The following PCSK6 variants were observed in gnomAD, a reference collection of about 807,000 sequenced individuals.
The protein encoded by PCSK6 is paired basic amino acid cleaving enzyme 4.
Under a neutral mutation model 123.3 loss-of-function variants are expected in PCSK6, and 85 were observed. The observed-to-expected ratio is 0.69, with a 90% CI of 0.58 to 0.83. The LOEUF is 0.83. Ranked by LOEUF, PCSK6 falls within the 40% of genes least tolerant of loss-of-function variation. The pLI, the probability that PCSK6 is intolerant of heterozygous loss-of-function variation, is 0.00. For missense variants in PCSK6, 1,191 were observed against 1,282.3 expected (o/e 0.93, Z 1.09); for synonymous variants, 508 against 516.0 (o/e 0.98, Z 0.21).
Position 101,398,973 on chromosome 15 carries a change from G to A in PCSK6, c.824-397C>T, listed in dbSNP as rs1439337434. ...GCTGGAGGGCAGTGGTGCAATCTCG[G>A]CTCACTGCAAGCTCCACCTCCCGGG... On this transcript the variant is annotated intron_variant, in intron 6 of 21. Transcript: ENST00000611716. This position sits in a 1 kb window ranked among gnomAD's most constrained non-coding sequence, Gnocchi z 4.6. Among the ~76,000 whole-genome samples, 2 of 151,986 alleles carry A rather than the reference G, an allele frequency of 1.3e-5. No homozygotes were observed. The highest frequency in any genetic ancestry group is 2.9e-5 in the Non-Finnish European group (2 of 68,020).
At chr15:101,309,377 G>A (rs2039800588) in intron 20 of PCSK6, among the ~76,000 whole-genome samples, 2 of 152,256 alleles carry the variant, frequency 1.3e-5, no homozygotes, top group South Asian at 4.1e-4. Context: ...GTGCCCAGCA[G>A]CGGGTCCTCG....
In PCSK6 at chr15:101,398,243, G is replaced by T. The variant is rs116473704; in HGVS notation, c.996+161C>A. Among the ~76,000 whole-genome samples, 2,574 of 152,314 alleles carry T rather than the reference G, an allele frequency of 0.017. 67 individuals are homozygous for T. Among genetic ancestry groups the T allele is most frequent in the African/African-American group, 0.059 (2,446 of 41,574 alleles). ...CTCGCCGGTCAAGAGCCACTTCTCA[G>T]ACTCCCCGAGTGACTCCTCCACACT... On this transcript the variant is annotated intron_variant, in intron 7 of 21. Coordinates refer to ENST00000611716, the MANE Select transcript of PCSK6 (RefSeq NM_002570.5). This position sits in a 1 kb window ranked among gnomAD's most constrained non-coding sequence, Gnocchi z 4.6.
intron 1 of PCSK6, among the ~76,000 whole-genome samples, chr15:101,467,183 C>T (rs935155967): frequency 1.1e-4 from 17 of 152,094 alleles, no homozygotes; most frequent in Admixed American, 3.9e-4. Context: ...TATATGTACA[C>T]CCAGTAATCC....
At chr15:101,349,906 TA>T (rs1230463266) in intron 13 of PCSK6, among the ~76,000 whole-genome samples, 2 of 152,216 alleles carry the variant, frequency 1.3e-5, no homozygotes, top group Admixed American at 6.5e-5. Context: ...TGTTTTCGTT[TA>T]TTTTTTTTAT....
chr15:101,442,612 A>C (rs540222020), intron 2 of PCSK6, among the ~76,000 whole-genome samples: 10 of 152,278 alleles, frequency 6.6e-5, no homozygotes, highest in African/African-American at 2.2e-4. Context: ...TTTTTCCATA[A>C]AAACTTTACT....
chr15:101,459,290 C>T (rs1243215641), intron 1 of PCSK6, among the ~76,000 whole-genome samples: 1 of 152,150 alleles, frequency 6.6e-6, no homozygotes, highest in African/African-American at 2.4e-5. Context: ...CATCCTGTTG[C>T]CCAGCTGTAA....
chr15:101,442,403 G>C (rs546935534), intron 2 of PCSK6, among the ~76,000 whole-genome samples: 43 of 152,064 alleles, frequency 2.8e-4, no homozygotes, highest in African/African-American at 9.9e-4. Flanking sequence ...CACAGCCCAG[G>C]TCCATGGGTG....
At chr15:101,328,191 C>T (rs948129409) in intron 15 of PCSK6, among the ~76,000 whole-genome samples, 3 of 152,218 alleles carry the variant, frequency 2.0e-5, no homozygotes, top group East Asian at 1.9e-4. Context: ...GCGGGGCTGT[C>T]GTGGTGACTT....
At chr15:101,478,926 C>A (rs867949937) in intron 1 of PCSK6, among the ~76,000 whole-genome samples, 1 of 152,224 alleles carries the variant, frequency 6.6e-6, no homozygotes, top group Non-Finnish European at 1.5e-5. Context: ...TCCATACTCA[C>A]GCTTAAGGAT....
At chr15:101,476,904 T>C (rs1329493475) in intron 1 of PCSK6, among the ~76,000 whole-genome samples, 2 of 152,214 alleles carry the variant, frequency 1.3e-5, no homozygotes, top group Non-Finnish European at 2.9e-5. Context: ...AGGCTGGTGA[T>C]GCCGGACGGG....
rs1211374859 is a variant in PCSK6 at position 101,347,649 on chromosome 15, G to A, written c.1859-15618C>T. On this transcript the variant is annotated intron_variant, in intron 13 of 21. Transcript: ENST00000611716. ...GGCGGGAGCTGAGAGATCCAGCTCT[G>A]GACTTCCAAAGGCAGCCAAAGTTCT... 1.9e-6 allele frequency: 3 copies of A among 1,582,214 alleles called. No homozygotes were observed. In the African/African-American group the frequency reaches 4.0e-5, roughly 21 times the overall value.
At chr15:101,481,933 C>G (rs1030436634) in intron 1 of PCSK6, among the ~76,000 whole-genome samples, 3 of 152,186 alleles carry the variant, frequency 2.0e-5, no homozygotes, top group African/African-American at 7.2e-5. Context: ...TGAGCAGGAG[C>G]CAGTACAGAT....
At chr15:101,378,687 C>T (rs1189408732) in intron 11 of PCSK6, among the ~76,000 whole-genome samples, 1 of 152,228 alleles carries the variant, frequency 6.6e-6, no homozygotes, top group Non-Finnish European at 1.5e-5. Context: ...CTGAGGTCCC[C>T]TCTTCCCTGA....
Position 101,432,079 on chromosome 15 carries a change from C to T in PCSK6, c.424G>A (p.Glu142Lys). The change falls in exon 3 of 22, where the codon GAA becomes AAA. Residue 142 changes from glutamate to lysine, a missense_variant. Physicochemically the swap from Glu to Lys is moderately conservative, Grantham distance 56. This residue lies in a region of PCSK6 where 357 missense variants were observed against 484.5 expected (regional missense o/e 0.74). Transcript: ENST00000611716. ...DPQVKWLQQQ[E>K]VKRRVKRQVR... Reference sequence around the variant, plus strand: ...TGTCTCTTCACCCTTCGTTTCACTTCCTGTTGCTGGAGCCATTTCACCTAC... The same window carrying T: ...TGTCTCTTCACCCTTCGTTTCACTTTCTGTTGCTGGAGCCATTTCACCTAC... The T allele has an allele frequency of 1.2e-6, 2 of 1,613,560 alleles. No individual in the cohort carries two copies. The highest frequency in any genetic ancestry group is 1.7e-6 in the Non-Finnish European group (2 of 1,179,734).
At chr15:101,456,788 C>T (rs1000314816) in intron 1 of PCSK6, among the ~76,000 whole-genome samples, 4 of 152,150 alleles carry the variant, frequency 2.6e-5, no homozygotes, top group African/African-American at 9.7e-5. Flanking sequence ...AGGGGGAATA[C>T]ACAAGGTGAG....
intron 6 of PCSK6, among the ~76,000 whole-genome samples, chr15:101,408,959 C>T (rs1019940517): frequency 6.6e-6 from 1 of 152,224 alleles, no homozygotes; most frequent in African/African-American, 2.4e-5. Context: ...AATCTGGTCG[C>T]TGCCGTTTAC....
chr15:101,447,067 G>A (rs1056721682), intron 1 of PCSK6, among the ~76,000 whole-genome samples: 23 of 152,276 alleles, frequency 1.5e-4, no homozygotes, highest in African/African-American at 5.5e-4. Context: ...TCGTCGGCCC[G>A]GATGATGCTG....
chr15:101,459,019 G>C lies in PCSK6; in HGVS notation c.298-15359C>G, dbSNP rs116699270. On this transcript the variant is annotated intron_variant, in intron 1 of 21. Coordinates refer to ENST00000611716, the MANE Select transcript of PCSK6 (RefSeq NM_002570.5). ...AGCCACGTGTTCAGAGAGAAGTGGC[G>C]TGTGTGTAGCTTCTCTCAGCCAAGG... Among the ~76,000 whole-genome samples, 951 of 152,264 alleles carry C rather than the reference G, an allele frequency of 6.2e-3. 10 individuals are homozygous for C. Among genetic ancestry groups the C allele is most frequent in the African/African-American group, 0.02 (839 of 41,528 alleles).
In PCSK6 at chr15:101,362,686, C is replaced by G. The variant is rs572863963; in HGVS notation, c.1858+3510G>C. Among the ~76,000 whole-genome samples, 137 of 152,268 alleles carry G rather than the reference C, an allele frequency of 9.0e-4. 2 individuals carry two copies. The highest frequency in any genetic ancestry group is 7.7e-4 in the East Asian group (4 of 5,180). On this transcript the variant is annotated intron_variant, in intron 13 of 21. Transcript: ENST00000611716. ...CCAGCCTGTCTTACCTGATTTCATC[C>G]CACCGCAACCCAGTAACTTGCGTAC...
Sources: allele counts gnomAD v4.1 joint callset (sites outside exome capture counted in the v4.1 genomes callset), GRCh38; gene constraint gnomAD v4.1.1; regional missense constraint gnomAD v4.1.1; non-coding constraint Gnocchi (gnomAD v3.1); transcripts MANE v1.5; gene names NCBI Gene and HGNC (gene_info 2026-07-23, HGNC 2026-07-21).